The following ATP2B2 variants were observed in gnomAD, a reference collection of about 807,000 sequenced individuals.
The protein encoded by ATP2B2 is plasma membrane calcium-transporting ATPase 2.
A neutral mutation model predicts 120.0 loss-of-function variants in ATP2B2; 15 were observed. That is an observed-to-expected ratio of 0.12 (90% CI 0.08 to 0.19). The LOEUF is 0.19. Among genes scored for constraint, ATP2B2 ranks in the 10% least tolerant of loss-of-function variants. The pLI is 1.00. For missense variants in ATP2B2, 1,045 were observed against 1,719.8 expected (o/e 0.61, Z 6.94); for synonymous variants, 694 against 700.3 (o/e 0.99, Z 0.14).
At chr3:10,626,784 C>G (rs1050932429) in intron 1 of ATP2B2, 1 of 151,610 alleles carries the variant, frequency 6.6e-6, no homozygotes, top group African/African-American at 2.4e-5. Flanking sequence ...ATTTTCATTC[C>G]TTTAGAGAGC....
chr3:10,483,358 C>T (rs1388827406), intron 1 of ATP2B2, among the ~76,000 whole-genome samples: 1 of 152,246 alleles, frequency 6.6e-6, no homozygotes, highest in Non-Finnish European at 1.5e-5. Flanking sequence ...ATCCTTCCTT[C>T]CTGTCAACCT....
intron 1 of ATP2B2, among the ~76,000 whole-genome samples, chr3:10,691,509 G>T (rs2071662352): frequency 6.6e-6 from 1 of 152,158 alleles, no homozygotes; most frequent in Non-Finnish European, 1.5e-5. Context: ...CCTCTGTGGG[G>T]CCCTAGGGCT....
At chr3:10,610,755 C>G (rs1420443043) in intron 2 of ATP2B2, among the ~76,000 whole-genome samples, 1 of 152,118 alleles carries the variant, frequency 6.6e-6, no homozygotes, top group Admixed American at 6.5e-5. Context: ...TGCTTTCATG[C>G]TATAAAGATT....
chr3:10,561,352 A>G (rs1025585920), intron 2 of ATP2B2, among the ~76,000 whole-genome samples: 9 of 152,162 alleles, frequency 5.9e-5, no homozygotes, highest in Non-Finnish European at 1.2e-4. Flanking sequence ...TTCATGAGAC[A>G]TGTGCTATGT....
At position 10,379,239 on chromosome 3, in the gene ATP2B2, T is replaced by A; in HGVS notation, c.1042+4A>T. The A allele has an allele frequency of 6.2e-7, 1 of 1,613,934 alleles. No homozygotes were observed. Among genetic ancestry groups the A allele is most frequent in the Non-Finnish European group, 8.5e-7 (1 of 1,179,912 alleles). On this transcript the variant is annotated splice_donor_region_variant and intron_variant, in intron 9 of 22. Transcript: ENST00000360273. Reference sequence around the variant, plus strand: ...ACAAACGCCGGTTAAAACAAAAGGGTTACCTTTGCTCTGGCTGGCGTCCAC... The same window carrying A: ...ACAAACGCCGGTTAAAACAAAAGGGATACCTTTGCTCTGGCTGGCGTCCAC...
rs2063965038 is a variant in ATP2B2 at position 10,449,667 on chromosome 3, C to T, written c.-124G>A. On this transcript the variant is annotated 5_prime_UTR_variant, in exon 2 of 23. Coordinates refer to ENST00000360273, the MANE Select transcript of ATP2B2 (RefSeq NM_001001331.4). ...CTGGTCAGCTGTGGCACCAGGCGGC[C>T]GACTCCGGGTCCCGGGGGGTGGGGG... The T allele has an allele frequency of 2.7e-5, 33 of 1,235,412 alleles. No individual in the cohort carries two copies. Among genetic ancestry groups the T allele is most frequent in the Admixed American group, 7.3e-5 (4 of 55,030 alleles). 76.5% of individuals were successfully genotyped at this position (1,235,412 alleles called of 1,614,324 possible). A position where few individuals can be genotyped will look rare whatever the true frequency, so the allele number is the denominator to read the frequency against.
intron 2 of ATP2B2, among the ~76,000 whole-genome samples, chr3:10,602,929 T>C (rs181486897): frequency 6.3e-4 from 96 of 152,336 alleles, no homozygotes; most frequent in African/African-American, 2.3e-3. Context: ...TTCTCTTCTC[T>C]CTGAACTGAG....
At position 10,364,539 on chromosome 3, in the gene ATP2B2, C is replaced by T. The variant is rs951464754; in HGVS notation, c.1660-4416G>A. Among the ~76,000 whole-genome samples the T allele has an allele frequency of 4.6e-5, 7 of 151,926 alleles. No homozygotes were observed. The East Asian group carries it at 5.8e-4, about 13-fold the overall frequency. ...CAGTCTGGCCAAGATGTCAAAACCC[C>T]GTCTCTACTAAAAATACAAAAATTA... On this transcript the variant is annotated intron_variant, in intron 12 of 22. Coordinates refer to ENST00000360273, the MANE Select transcript of ATP2B2 (RefSeq NM_001001331.4).
chr3:10,502,076 C>T (rs946422762), intron 1 of ATP2B2, among the ~76,000 whole-genome samples: 5 of 152,256 alleles, frequency 3.3e-5, no homozygotes, highest in South Asian at 4.2e-4. Flanking sequence ...GGACAGCAGG[C>T]GGATGGGCCA....
intron 10 of ATP2B2, among the ~76,000 whole-genome samples, chr3:10,376,265 G>A (rs537637969): frequency 6.6e-6 from 1 of 152,134 alleles, no homozygotes; most frequent in African/African-American, 2.4e-5. Context: ...TGAAGAAAAA[G>A]GCCAGGATGA....
chr3:10,546,317 A>G (rs1188843887), intron 2 of ATP2B2, among the ~76,000 whole-genome samples: 2 of 152,052 alleles, frequency 1.3e-5, no homozygotes, highest in Non-Finnish European at 2.9e-5. Flanking sequence ...CCCTCTCCCC[A>G]TATCCACTTC....
intron 1 of ATP2B2, among the ~76,000 whole-genome samples, chr3:10,686,762 A>C (rs933688073): frequency 6.6e-6 from 1 of 152,176 alleles, no homozygotes; most frequent in Admixed American, 6.5e-5. Context: ...TTCACAGATG[A>C]GTAAATTGAG....
chr3:10,611,299 T>C (rs542373212), intron 2 of ATP2B2, among the ~76,000 whole-genome samples: 1 of 152,324 alleles, frequency 6.6e-6, no homozygotes, highest in African/African-American at 2.4e-5. Context: ...GACAAGGAAC[T>C]GTGAGGGCTA....
At chr3:10,634,723 C>A (rs141585245) in intron 1 of ATP2B2, among the ~76,000 whole-genome samples, 1 of 152,206 alleles carries the variant, frequency 6.6e-6, no homozygotes, top group East Asian at 1.9e-4. Flanking sequence ...CAGAAGAGTG[C>A]ATGAATGCCT....
chr3:10,635,057 C>G lies in ATP2B2; in HGVS notation c.-459-15096G>C, dbSNP rs2069983805. Among the ~76,000 whole-genome samples, 1 of 151,844 alleles carries G rather than the reference C, an allele frequency of 6.6e-6. No individual in the cohort carries two copies. Among genetic ancestry groups the G allele is most frequent in the African/African-American group, 2.4e-5 (1 of 41,316 alleles). On this transcript the variant is annotated intron_variant, in intron 1 of 21. Coordinates refer to the ATP2B2 transcript ENST00000646379. This position sits in a 1 kb window ranked among gnomAD's most constrained non-coding sequence, Gnocchi z 4.3. Reference sequence around the variant, plus strand: ...AGAGCCTTCCAACACTCGCAGGACCCCGAGATAAATGTCCCTGGGAATTGG... The same window carrying G: ...AGAGCCTTCCAACACTCGCAGGACCGCGAGATAAATGTCCCTGGGAATTGG...
chr3:10,474,212 G>C (rs1016869203), intron 1 of ATP2B2, among the ~76,000 whole-genome samples: 6 of 152,122 alleles, frequency 3.9e-5, no homozygotes, highest in African/African-American at 1.4e-4. Context: ...TTACTGCAGT[G>C]GGTCGGGGAA....
chr3:10,693,215 T>C (rs1248504485), intron 1 of ATP2B2, among the ~76,000 whole-genome samples: 1 of 152,198 alleles, frequency 6.6e-6, no homozygotes, highest in Non-Finnish European at 1.5e-5. Flanking sequence ...GATGACACAG[T>C]TGAAAGAAAC....
intron 2 of ATP2B2, among the ~76,000 whole-genome samples, chr3:10,437,025 C>T (rs530010372): frequency 2.6e-5 from 4 of 152,296 alleles, no homozygotes; most frequent in East Asian, 3.9e-4. Context: ...CCCAAAGGCA[C>T]GTGGAGAAGC....
chr3:10,498,196 C>T (rs1224555039), intron 1 of ATP2B2, among the ~76,000 whole-genome samples: 1 of 152,230 alleles, frequency 6.6e-6, no homozygotes, highest in Non-Finnish European at 1.5e-5. Context: ...TTGTCATCTC[C>T]ATTTGACAGT....
Sources: allele counts gnomAD v4.1 joint callset (sites outside exome capture counted in the v4.1 genomes callset), GRCh38; gene constraint gnomAD v4.1.1; non-coding constraint Gnocchi (gnomAD v3.1); transcripts MANE v1.5; gene names NCBI Gene and HGNC (gene_info 2026-07-23, HGNC 2026-07-21).